The following TENM2 variants were observed in gnomAD, a reference collection of about 807,000 sequenced individuals.
TENM2 encodes teneurin transmembrane protein 2, also known as teneurin-2.
In TENM2, 52 loss-of-function variants were observed where a neutral mutation model predicts 245.2. That is an observed-to-expected ratio of 0.21 (90% CI 0.17 to 0.27). The LOEUF (loss-of-function observed/expected upper bound fraction) is 0.27. TENM2 is among the 10% of genes least tolerant of loss of function. The pLI is 1.00. For synonymous variants in TENM2, 1,363 were observed against 1,438.9 expected (o/e 0.95, Z 1.19); for missense variants, 3,046 against 3,666.8 (o/e 0.83, Z 4.37).
chr5:167,959,015 G>A (rs548784779), intron 4 of TENM2, among the ~76,000 whole-genome samples: 1 of 152,152 alleles, frequency 6.6e-6, no homozygotes, highest in African/African-American at 2.4e-5. Flanking sequence ...TCCTGAACTT[G>A]AATGTTGGCC....
At chr5:167,057,828 A>G in the TENM2 span, among the ~76,000 whole-genome samples, 1 of 152,112 alleles carries the variant, frequency 6.6e-6, no homozygotes, top group African/African-American at 2.4e-5. Context: ...ATTTTTCTCT[A>G]ATACTCACTG....
chr5:167,767,268 A>AG (rs1763094595), intron 2 of TENM2, among the ~76,000 whole-genome samples: 1 of 152,232 alleles, frequency 6.6e-6, no homozygotes, highest in Non-Finnish European at 1.5e-5. Flanking sequence ...AACCTTGACG[A>AG]TATTATGCCA....
the TENM2 span, among the ~76,000 whole-genome samples, chr5:167,033,764 A>G: frequency 6.6e-6 from 1 of 152,200 alleles, no homozygotes; most frequent in Non-Finnish European, 1.5e-5. Flanking sequence ...AAGTAACTTA[A>G]CCGTATTACC....
chr5:167,174,617 T>A, the TENM2 span, among the ~76,000 whole-genome samples: 2 of 152,178 alleles, frequency 1.3e-5, no homozygotes, highest in Admixed American at 1.3e-4. Context: ...TAATGAACAC[T>A]TCAATCAAGC....
intron 2 of TENM2, among the ~76,000 whole-genome samples, chr5:167,489,587 T>G (rs908233042): frequency 4.6e-5 from 7 of 152,308 alleles, no homozygotes; most frequent in African/African-American, 1.7e-4. Context: ...TTATATTTGA[T>G]GTCACTTAGC....
At chr5:167,913,672 C>G (rs558422104) in intron 3 of TENM2, among the ~76,000 whole-genome samples, 1 of 152,246 alleles carries the variant, frequency 6.6e-6, no homozygotes, top group South Asian at 2.1e-4. Flanking sequence ...CTTTTATAGA[C>G]AGAAAGGACA....
intron 2 of TENM2, among the ~76,000 whole-genome samples, chr5:167,419,582 A>G (rs1763370421): frequency 1.3e-5 from 2 of 152,202 alleles, no homozygotes; most frequent in Admixed American, 6.5e-5. Context: ...CTTGGTCAGA[A>G]TGACTGAAAC....
At chr5:168,236,574 C>T (rs1258167838) in intron 25 of TENM2, among the ~76,000 whole-genome samples, 2 of 152,290 alleles carry the variant, frequency 1.3e-5, no homozygotes, top group South Asian at 2.1e-4. Flanking sequence ...GCTCTGGTTC[C>T]ACATCCTTCC....
intron 2 of TENM2, among the ~76,000 whole-genome samples, chr5:167,496,979 A>C (rs1157250122): frequency 6.6e-6 from 1 of 152,130 alleles, no homozygotes; most frequent in Non-Finnish European, 1.5e-5. Context: ...AATTAGAATC[A>C]CTAGACATTT....
chr5:168,082,878 C>T (rs866758044), intron 7 of TENM2, among the ~76,000 whole-genome samples: 5 of 152,174 alleles, frequency 3.3e-5, no homozygotes, highest in Admixed American at 6.5e-5. Flanking sequence ...GAGGTGTCTC[C>T]CAGTTAGTCT....
chr5:167,067,525 A>T, the TENM2 span, among the ~76,000 whole-genome samples: 2 of 152,218 alleles, frequency 1.3e-5, no homozygotes, highest in Non-Finnish European at 1.5e-5. Context: ...TAAAGAGTGG[A>T]AACTCCAAGA....
chr5:167,205,217 A>AT, the TENM2 span, among the ~76,000 whole-genome samples: 2 of 151,976 alleles, frequency 1.3e-5, no homozygotes, highest in Non-Finnish European at 2.9e-5. Context: ...TCCATCTCTA[A>AT]TAAAAATACA....
chr5:167,565,630 G>T (rs1044561541), intron 2 of TENM2, among the ~76,000 whole-genome samples: 2 of 152,162 alleles, frequency 1.3e-5, no homozygotes, highest in African/African-American at 4.8e-5. Context: ...ATATGCTAAT[G>T]TTTTTTGTTT....
intron 2 of TENM2, among the ~76,000 whole-genome samples, chr5:167,431,593 T>TA (rs1341718174): frequency 6.6e-6 from 1 of 152,074 alleles, no homozygotes. Context: ...TAATGTTGTC[T>TA]AAAAAATAGA....
chr5:168,255,997 G>A (rs1212908003), intron 27 of TENM2, among the ~76,000 whole-genome samples: 1 of 151,640 alleles, frequency 6.6e-6, no homozygotes, highest in Non-Finnish European at 1.5e-5. Flanking sequence ...GTACAGACAC[G>A]GTTTCACCAT....
chr5:167,541,412 G>T (rs542243698), intron 2 of TENM2, among the ~76,000 whole-genome samples: 3 of 152,088 alleles, frequency 2.0e-5, no homozygotes, highest in Non-Finnish European at 4.4e-5. Flanking sequence ...AAGTAAAAAA[G>T]AAAATTTTAG....
chr5:167,900,390 G>A (rs1441402698), intron 3 of TENM2, among the ~76,000 whole-genome samples: 2 of 152,132 alleles, frequency 1.3e-5, no homozygotes, highest in African/African-American at 4.8e-5. Flanking sequence ...GTACTGAGAG[G>A]TTAAATGATA....
At chr5:167,496,903 T>C (rs932705596) in intron 2 of TENM2, among the ~76,000 whole-genome samples, 4 of 152,050 alleles carry the variant, frequency 2.6e-5, no homozygotes, top group Non-Finnish European at 5.9e-5. Flanking sequence ...AGCACATCAG[T>C]TGCAGGTTTA....
chr5:167,115,743 G>A, the TENM2 span, among the ~76,000 whole-genome samples: 2 of 152,142 alleles, frequency 1.3e-5, no homozygotes, highest in Admixed American at 6.5e-5. Context: ...CTTAAGAAAT[G>A]TTGGGAAAAA....
Sources: allele counts gnomAD v4.1 joint callset (sites outside exome capture counted in the v4.1 genomes callset), GRCh38; gene constraint gnomAD v4.1.1; transcripts MANE v1.5; gene names NCBI Gene and HGNC (gene_info 2026-07-23, HGNC 2026-07-21).